LAMA2: variants seen among roughly 807,000 people sequenced by gnomAD.
LAMA2 encodes laminin subunit alpha 2.
LAMA2 carries 269 observed loss-of-function variants against 364.8 expected under a neutral mutation model. That is an observed-to-expected ratio of 0.74 (90% CI 0.67 to 0.82). LAMA2 has a LOEUF of 0.82. LAMA2 is among the 40% of genes least tolerant of loss of function. LAMA2 has a pLI of 0.00. For missense variants in LAMA2, 3,807 were observed against 3,873.2 expected, an observed-to-expected ratio of 0.98 and a Z score of 0.45; for synonymous variants, 1,379 against 1,370.6, an observed-to-expected ratio of 1.01 and a Z score of -0.14.
intron 1 of LAMA2, among the ~76,000 whole-genome samples, chr6:128,890,601 CAT>C (rs1315895038): frequency 6.6e-6 from 1 of 151,252 alleles, no homozygotes; most frequent in Non-Finnish European, 1.5e-5. Flanking sequence ...CATATACACA[CAT>C]GTATTACTTA....
rs1782455492 is a variant in LAMA2 at position 129,447,642 on chromosome 6, A to T, written c.6429+1821A>T. On this transcript the variant is annotated intron_variant, in intron 45 of 64. Transcript: ENST00000421865. ...GATAAGCTGAAAGCTTTGAGCATGG[A>T]ACACAGTATAATCAGAGCTGTGCTT... Among the ~76,000 whole-genome samples, 3 of 152,354 alleles carry T rather than the reference A, an allele frequency of 2.0e-5. No individual in the cohort carries two copies. In the South Asian group the frequency reaches 6.2e-4, roughly 32 times the overall value.
chr6:129,298,256 A>G (rs945903602), intron 21 of LAMA2, among the ~76,000 whole-genome samples: 4 of 127,486 alleles, frequency 3.1e-5, no homozygotes, highest in Non-Finnish European at 6.6e-5. Context: ...CTATTGCAAA[A>G]TTGGTATCCG....
chr6:129,152,918 T>C (rs1778895859), intron 7 of LAMA2, among the ~76,000 whole-genome samples: 1 of 152,098 alleles, frequency 6.6e-6, no homozygotes, highest in South Asian at 2.1e-4. Flanking sequence ...CTAAACAGTA[T>C]ACAAATGCCC....
Position 128,909,493 on chromosome 6 carries a change from A to C in LAMA2, c.112+26136A>C, listed in dbSNP as rs1228562210. Among the ~76,000 whole-genome samples, 1,266 of 149,220 alleles carry C rather than the reference A, an allele frequency of 8.5e-3. 25 individuals carry two copies. The highest frequency in any genetic ancestry group is 0.03 in the African/African-American group (1,218 of 40,178). ...TTTTTGTTTTCCATTTGCTTGGTAG[A>C]TCTTCCTCCATCCTTTTATTTTGAG... is the stretch of plus-strand genomic sequence containing the variant. On this transcript the variant is annotated intron_variant, in intron 1 of 64. Transcript: ENST00000421865.
intron 1 of LAMA2, among the ~76,000 whole-genome samples, chr6:128,916,450 C>A (rs1038144727): frequency 6.6e-6 from 1 of 152,182 alleles, no homozygotes; most frequent in Non-Finnish European, 1.5e-5. Context: ...GCTTCTGTTA[C>A]ATGAATACCT....
At chr6:129,260,651 A>T in intron 14 of LAMA2, 60 bp from the exon 15 acceptor site, 1 of 991,750 alleles carries the variant, frequency 1.0e-6, no homozygotes, top group South Asian at 1.3e-5. Context: ...TACGATTCCT[A>T]CAGCTGTATA....
At position 128,989,333 on chromosome 6, in the gene LAMA2, G is replaced by A. The variant is rs1464120302; in HGVS notation, c.113-60585G>A. ...CTGATTCTGAATCAAGTGAGTTTTA[G>A]CTTCTTTTAAGTGAAATCATGCATG... is the stretch of plus-strand genomic sequence containing the variant. On this transcript the variant is annotated intron_variant, in intron 1 of 64. Transcript: ENST00000421865. Among the ~76,000 whole-genome samples, 4 of 152,148 alleles carry A rather than the reference G, an allele frequency of 2.6e-5. No individual in the cohort carries two copies. In the East Asian group the frequency reaches 5.8e-4, roughly 22 times the overall value.
chr6:129,161,879 C>T (rs1334960677), intron 8 of LAMA2, among the ~76,000 whole-genome samples: 3 of 152,118 alleles, frequency 2.0e-5, no homozygotes, highest in Non-Finnish European at 4.4e-5. Flanking sequence ...ATATGTACTA[C>T]ATTTTCTTTA....
chr6:128,974,725 A>G (rs1389423121), intron 1 of LAMA2, among the ~76,000 whole-genome samples: 4 of 152,136 alleles, frequency 2.6e-5, no homozygotes, highest in Non-Finnish European at 4.4e-5. Flanking sequence ...TTATCCATTC[A>G]TTCATTTATT....
At chr6:129,034,853 C>A (rs1416626324) in intron 1 of LAMA2, among the ~76,000 whole-genome samples, 1 of 152,046 alleles carries the variant, frequency 6.6e-6, no homozygotes, top group Non-Finnish European at 1.5e-5. Context: ...ATATACCACA[C>A]CACATTTTCT....
At chr6:129,400,493 T>A (rs1779907716) in intron 37 of LAMA2, among the ~76,000 whole-genome samples, 2 of 152,178 alleles carry the variant, frequency 1.3e-5, no homozygotes, top group Admixed American at 1.3e-4. Context: ...AAAATTATAA[T>A]TGATGCAGTT....
At chr6:129,202,311 A>G (rs553678179) in intron 12 of LAMA2, among the ~76,000 whole-genome samples, 9 of 152,182 alleles carry the variant, frequency 5.9e-5, no homozygotes, top group African/African-American at 1.9e-4. Context: ...GTGTCCCCCT[A>G]AAACTTATAT....
intron 8 of LAMA2, chr6:129,158,707 G>A: frequency 1.2e-6 from 2 of 1,614,034 alleles, no homozygotes; most frequent in Non-Finnish European, 1.7e-6. Flanking sequence ...ACAACAGGGG[G>A]CATGTGGGTT....
chr6:129,066,281 G>A (rs1363015751), intron 3 of LAMA2, among the ~76,000 whole-genome samples: 2 of 151,210 alleles, frequency 1.3e-5, no homozygotes, highest in Non-Finnish European at 2.9e-5. Context: ...TCCTGACCTC[G>A]TGATCCGCCC....
At chr6:128,916,190 A>G (rs1357620902) in intron 1 of LAMA2, among the ~76,000 whole-genome samples, 1 of 152,154 alleles carries the variant, frequency 6.6e-6, no homozygotes, top group Non-Finnish European at 1.5e-5. Flanking sequence ...TTAAGTGGGT[A>G]GCATAATAGC....
At chr6:128,946,173 G>A (rs189923705) in intron 1 of LAMA2, among the ~76,000 whole-genome samples, 8 of 152,266 alleles carry the variant, frequency 5.3e-5, no homozygotes, top group Non-Finnish European at 7.4e-5. Flanking sequence ...AAGTCACTAC[G>A]TTTGTGATAA....
At chr6:129,331,730 C>G (rs1167319953) in intron 29 of LAMA2, among the ~76,000 whole-genome samples, 1 of 152,050 alleles carries the variant, frequency 6.6e-6, no homozygotes, top group Non-Finnish European at 1.5e-5. Flanking sequence ...TCATTCTTCT[C>G]CTTCCATACA....
chr6:129,506,669 T>C (rs1197776253), intron 61 of LAMA2, among the ~76,000 whole-genome samples: 1 of 152,142 alleles, frequency 6.6e-6, no homozygotes, highest in Non-Finnish European at 1.5e-5. Flanking sequence ...GAGAACACAC[T>C]AGATACAAAT....
intron 28 of LAMA2, 139 bp from the exon 29 acceptor site, chr6:129,328,139 G>A: frequency 2.6e-6 from 2 of 768,024 alleles, no homozygotes; most frequent in Middle Eastern, 2.9e-4. Context: ...ATCAAAATCG[G>A]CACTTGCGTT....
Sources: gnomAD v4.1 joint callset for allele counts (sites outside exome capture counted in the v4.1 genomes callset) on GRCh38, gnomAD v4.1.1 for gene constraint, MANE v1.5 for transcripts, NCBI Gene and HGNC (gene_info 2026-07-23, HGNC 2026-07-21) for gene names.